The following FBLN7 variants were observed in gnomAD, a reference collection of about 807,000 sequenced individuals.
FBLN7 encodes the protein fibulin 7.
Under a neutral mutation model 44.0 loss-of-function variants are expected in FBLN7, and 31 were observed. The observed-to-expected ratio is 0.70, with a 90% CI of 0.53 to 0.95. The LOEUF (loss-of-function observed/expected upper bound fraction) is 0.95, where lower values mean the gene tolerates loss of function less well. Among genes scored for constraint, FBLN7 ranks in the 40% least tolerant of loss-of-function variants. FBLN7 has a pLI of 0.00. For missense variants in FBLN7, 573 were observed against 618.5 expected, an observed-to-expected ratio of 0.93 and a Z score of 0.78; for synonymous variants, 262 against 253.4, an observed-to-expected ratio of 1.03 and a Z score of -0.32.
At chr2:112,148,857 C>T (rs1681009491) in intron 1 of FBLN7, among the ~76,000 whole-genome samples, 2 of 152,190 alleles carry the variant, frequency 1.3e-5, no homozygotes, top group Admixed American at 1.3e-4. Flanking sequence ...AGCATGACTT[C>T]CACTGCATCC....
At chr2:112,234,212 G>A in the FBLN7 span, 1 of 1,607,536 alleles carries the variant, frequency 6.2e-7, no homozygotes, top group Non-Finnish European at 8.5e-7. Flanking sequence ...CTCAAATGCT[G>A]CTGCTTCTCT....
At chr2:112,160,813 C>G (rs1432895825) in intron 2 of FBLN7, among the ~76,000 whole-genome samples, 1 of 147,338 alleles carries the variant, frequency 6.8e-6, no homozygotes, top group Non-Finnish European at 1.5e-5. Context: ...CGCACACACA[C>G]GCACACACAA....
the FBLN7 span, among the ~76,000 whole-genome samples, chr2:112,232,198 C>A: frequency 6.6e-6 from 1 of 151,794 alleles, no homozygotes; most frequent in Non-Finnish European, 1.5e-5. Context: ...TGCCTGTAAT[C>A]CCAGCTACTC....
intron 2 of FBLN7, 133 bp downstream of exon 2, chr2:112,159,968 C>G: frequency 4.9e-6 from 3 of 616,166 alleles, no homozygotes; most frequent in Non-Finnish European, 7.0e-6. Context: ...ACTGTGGCCC[C>G]CCCTTTTTTA....
At chr2:112,159,635 C>T (rs748863166) in intron 1 of FBLN7, 41 bp from the exon 2 acceptor site, 3 of 1,464,360 alleles carry the variant, frequency 2.0e-6, no homozygotes, top group African/African-American at 1.5e-5. Context: ...GGGACTGAGT[C>T]AGTCTCAATG....
intron 1 of FBLN7, among the ~76,000 whole-genome samples, chr2:112,150,831 A>G (rs1374213451): frequency 6.6e-6 from 1 of 152,230 alleles, no homozygotes; most frequent in Non-Finnish European, 1.5e-5. Flanking sequence ...AGAGAGAAAG[A>G]TGCAGCTGAC....
At chr2:112,230,984 A>G in the FBLN7 span, 2 of 1,182,396 alleles carry the variant, frequency 1.7e-6, no homozygotes, top group Non-Finnish European at 2.2e-6. Flanking sequence ...AATCATTTTT[A>G]TGCATTCATG....
the FBLN7 span, among the ~76,000 whole-genome samples, chr2:112,203,906 G>T: frequency 6.6e-6 from 1 of 152,144 alleles, no homozygotes; most frequent in Non-Finnish European, 1.5e-5. Context: ...CTGCCCCCAT[G>T]ATTCAAATTA....
At position 112,171,949 on chromosome 2, in the gene FBLN7, G is replaced by A. The variant is rs536982689; in HGVS notation, c.407-3765G>A. The stretch of plus-strand genomic sequence containing the variant: ...TTTTTAGTAAAGACAGGGTTTCACC[G>A]TGTTAGCCAGGATGGTCTCGATCTC... On this transcript the variant is annotated intron_variant, in intron 3 of 7. Transcript: ENST00000331203. Among the ~76,000 whole-genome samples the A allele has an allele frequency of 1.4e-4, 21 of 152,206 alleles. No individual in the cohort carries two copies. The South Asian group carries it at 3.7e-3, about 27-fold the overall frequency.
At chr2:112,146,500 T>C (rs1680904164) in intron 1 of FBLN7, among the ~76,000 whole-genome samples, 1 of 152,146 alleles carries the variant, frequency 6.6e-6, no homozygotes, top group African/African-American at 2.4e-5. Flanking sequence ...TCAGTATATA[T>C]ATATTTTTAG....
At chr2:112,161,768 C>T (rs942229251) in intron 2 of FBLN7, among the ~76,000 whole-genome samples, 1 of 152,252 alleles carries the variant, frequency 6.6e-6, no homozygotes, top group East Asian at 1.9e-4. Flanking sequence ...GGGCTTTCAT[C>T]TCTGAAATGT....
At chr2:112,145,851 A>T (rs916314665) in intron 1 of FBLN7, among the ~76,000 whole-genome samples, 3 of 152,234 alleles carry the variant, frequency 2.0e-5, no homozygotes, top group Admixed American at 6.5e-5. Flanking sequence ...TCATACATGT[A>T]TGGAGAAATT....
chr2:112,162,482 C>T (rs1681929122), intron 2 of FBLN7, among the ~76,000 whole-genome samples: 1 of 152,128 alleles, frequency 6.6e-6, no homozygotes, highest in Non-Finnish European at 1.5e-5. Flanking sequence ...CCAGAGCAGC[C>T]TCAGCGGATT....
chr2:112,226,981 T>C, the FBLN7 span, among the ~76,000 whole-genome samples: 2 of 152,188 alleles, frequency 1.3e-5, no homozygotes, highest in Admixed American at 6.5e-5. Context: ...CAGAAATCAT[T>C]TGATAAAACC....
the FBLN7 span, among the ~76,000 whole-genome samples, chr2:112,209,175 C>G: frequency 2.0e-5 from 3 of 152,272 alleles, no homozygotes; most frequent in Non-Finnish European, 4.4e-5. Flanking sequence ...GATTAACTGC[C>G]AAATGTCACA....
chr2:112,213,775 C>CAAA, the FBLN7 span: 92 of 24,086 alleles, frequency 3.8e-3, 15 homozygotes, highest in East Asian at 5.6e-3. Context: ...GACTCCGTCT[C>CAAA]AAAAAAAAAA....
chr2:112,173,727 T>C (rs1322175448), intron 3 of FBLN7, among the ~76,000 whole-genome samples: 1 of 152,262 alleles, frequency 6.6e-6, no homozygotes, highest in Non-Finnish European at 1.5e-5. Flanking sequence ...GCCCCTGCCA[T>C]GCACTTGACT....
chr2:112,169,095 A>AC (rs1451997269), intron 3 of FBLN7, among the ~76,000 whole-genome samples: 2 of 152,132 alleles, frequency 1.3e-5, no homozygotes, highest in Non-Finnish European at 2.9e-5. Context: ...ACGTGGTGAA[A>AC]CCCCATCTCT....
chr2:112,154,879 AG>A (rs1681337720), intron 1 of FBLN7, among the ~76,000 whole-genome samples: 1 of 152,150 alleles, frequency 6.6e-6, no homozygotes, highest in Non-Finnish European at 1.5e-5. Flanking sequence ...ACTCAGAGAC[AG>A]GCCGGTTGCT....
Sources: gnomAD v4.1 joint callset for allele counts (sites outside exome capture counted in the v4.1 genomes callset) on GRCh38, gnomAD v4.1.1 for gene constraint, MANE v1.5 for transcripts, NCBI Gene and HGNC (gene_info 2026-07-23, HGNC 2026-07-21) for gene names.